Variants in EPB41 observed in about 807,000 individuals in gnomAD.
EPB41 encodes the protein erythrocyte membrane protein band 4.1.
Under a neutral mutation model 108.0 loss-of-function variants are expected in EPB41, and 65 were observed. The ratio of observed to expected loss-of-function variants is 0.60; its 90% CI spans 0.49 to 0.74. EPB41 has a LOEUF of 0.74. Ranked by LOEUF, EPB41 falls within the 30% of genes least tolerant of loss-of-function variation. The probability of loss-of-function intolerance (pLI) is 0.00; values close to 1 mark genes in which losing one functional copy is unlikely to be tolerated. For missense variants in EPB41, 875 were observed against 1,037.0 expected, an observed-to-expected ratio of 0.84 and a Z score of 2.15; for synonymous variants, 336 against 358.9, an observed-to-expected ratio of 0.94 and a Z score of 0.72.
chr1:29,040,331 G>A (rs867099730), intron 11 of EPB41, among the ~76,000 whole-genome samples: 3 of 151,694 alleles, frequency 2.0e-5, no homozygotes, highest in Non-Finnish European at 4.4e-5. Flanking sequence ...CCAGGCTGGA[G>A]TGCAGTGACT....
intron 1 of EPB41, among the ~76,000 whole-genome samples, chr1:28,938,824 C>T (rs1357867834): frequency 6.6e-6 from 1 of 152,098 alleles, no homozygotes; most frequent in African/African-American, 2.4e-5. Context: ...GAATGTTGAT[C>T]TTGTATCCTG....
chr1:28,918,284 C>T (rs1269922743), intron 1 of EPB41, among the ~76,000 whole-genome samples: 2 of 151,896 alleles, frequency 1.3e-5, no homozygotes, highest in Non-Finnish European at 2.9e-5. Flanking sequence ...AATCTCTTGA[C>T]CTCGTGATCT....
chr1:28,908,267 C>T (rs887627000), intron 1 of EPB41, among the ~76,000 whole-genome samples: 6 of 151,218 alleles, frequency 4.0e-5, no homozygotes, highest in South Asian at 2.1e-4. Flanking sequence ...CTGGGTGTGA[C>T]GGCGGGGGCC....
chr1:28,894,565 G>A (rs561876560), intron 1 of EPB41, among the ~76,000 whole-genome samples: 3 of 152,074 alleles, frequency 2.0e-5, no homozygotes, highest in Admixed American at 6.6e-5. Context: ...TCCTGGAGAG[G>A]GAGTGACAGA....
intron 17 of EPB41, among the ~76,000 whole-genome samples, chr1:29,105,817 C>T (rs1666967041): frequency 7.3e-6 from 1 of 136,716 alleles, no homozygotes; most frequent in Admixed American, 8.3e-5. Context: ...GGCATGATCT[C>T]AGCCCACTGC....
At chr1:28,988,640 G>A (rs538025990) in intron 2 of EPB41, among the ~76,000 whole-genome samples, 63 of 152,250 alleles carry the variant, frequency 4.1e-4, no homozygotes, top group African/African-American at 1.4e-3. Context: ...GACTACAGAC[G>A]TGAGCCACCA....
intron 16 of EPB41, among the ~76,000 whole-genome samples, chr1:29,073,956 C>T (rs1012671657): frequency 2.6e-5 from 4 of 152,108 alleles, no homozygotes; most frequent in East Asian, 3.8e-4. Flanking sequence ...TTCACTTTCT[C>T]CTAGTTTCCT....
chr1:28,897,904 C>T (rs542002345), intron 1 of EPB41, among the ~76,000 whole-genome samples: 21 of 152,088 alleles, frequency 1.4e-4, no homozygotes, highest in African/African-American at 4.3e-4. Context: ...TCCTTAAGGA[C>T]GAACTGCCAT....
At chr1:29,053,361 G>T in intron 12 of EPB41, 49 bp downstream of exon 12, 1 of 1,603,676 alleles carries the variant, frequency 6.2e-7, no homozygotes, top group Non-Finnish European at 8.5e-7. Flanking sequence ...TGATTTAGAG[G>T]CCTTAACTTT....
chr1:28,908,997 C>CA (rs879699641), intron 1 of EPB41, among the ~76,000 whole-genome samples: 201 of 137,922 alleles, frequency 1.5e-3, no homozygotes, highest in African/African-American at 2.5e-3. Flanking sequence ...ACTAAAAATA[C>CA]AAAAAAAAAA....
At chr1:28,941,372 C>T (rs2094279634) in intron 1 of EPB41, among the ~76,000 whole-genome samples, 1 of 152,078 alleles carries the variant, frequency 6.6e-6, no homozygotes, top group South Asian at 2.1e-4. Flanking sequence ...AGAGTGAGAC[C>T]TTGTCTCAAA....
intron 16 of EPB41, among the ~76,000 whole-genome samples, chr1:29,090,957 C>A (rs1279519629): frequency 3.3e-5 from 5 of 152,110 alleles, no homozygotes; most frequent in Admixed American, 3.3e-4. Flanking sequence ...GTAATCCAAC[C>A]CAACTGTTAT....
chr1:28,988,496 A>G (rs1394740098), intron 2 of EPB41, among the ~76,000 whole-genome samples: 3 of 151,828 alleles, frequency 2.0e-5, no homozygotes, highest in Non-Finnish European at 4.4e-5. Flanking sequence ...AGTAGCTGGG[A>G]TTACAGGCGC....
At chr1:29,053,419 C>A (rs1379043309) in intron 12 of EPB41, 107 bp downstream of exon 12, 8 of 1,133,786 alleles carry the variant, frequency 7.1e-6, no homozygotes, top group Non-Finnish European at 1.0e-5. Context: ...ATAGACTCAA[C>A]AAAGTTATTC....
chr1:28,918,191 A>G (rs1235208462), intron 1 of EPB41, among the ~76,000 whole-genome samples: 3 of 152,130 alleles, frequency 2.0e-5, no homozygotes, highest in African/African-American at 7.2e-5. Context: ...AGCTGGGACT[A>G]CAGGCACACA....
intron 1 of EPB41, among the ~76,000 whole-genome samples, chr1:28,888,810 G>A (rs2089768552): frequency 6.6e-6 from 1 of 151,636 alleles, no homozygotes; most frequent in African/African-American, 2.4e-5. Context: ...TGTATTTTTA[G>A]TAGAGACGGG....
At chr1:29,000,355 C>T (rs188265482) in intron 4 of EPB41, among the ~76,000 whole-genome samples, 1 of 152,362 alleles carries the variant, frequency 6.6e-6, no homozygotes, top group Non-Finnish European at 1.5e-5. Context: ...CCGCCTTGGC[C>T]TCCCAAAGTG....
chr1:28,993,427 C>A lies in EPB41; in HGVS notation c.566C>A (p.Pro189His). The part of the protein sequence containing the change: ...CSKIEVKEES[P>H]QSKAETELKA... ...AAAATAGAAGTAAAAGAAGAAAGCC[C>A]TCAATCAAAAGCAGAAACAGAATTA... is the stretch of plus-strand genomic sequence containing the variant. Residue 189 changes from proline (P) to histidine (H), a missense_variant, in exon 3 of 21, where the codon CCT (proline) becomes CAT (histidine). Pro to His is a moderately conservative substitution (Grantham distance 77). Transcript: ENST00000343067. 3.7e-6 allele frequency: 6 copies of A among 1,613,936 alleles called. No individual in the cohort carries two copies. Among genetic ancestry groups the A allele is most frequent in the South Asian group, 3.3e-5 (3 of 91,058 alleles).
rs936008740 is a variant in EPB41 at position 29,004,597 on chromosome 1, G to C, written c.787-7268G>C. ...TCTGGCAAATTAGAAAGACGAAGGG[G>C]AATTTTGTAAATATACTTGCAGAGT... On this transcript the variant is annotated intron_variant, in intron 4 of 20. Coordinates refer to ENST00000343067, the MANE Select transcript of EPB41 (RefSeq NM_001376013.1). 2.0e-5 allele frequency among the ~76,000 whole-genome samples: 3 copies of C among 152,208 alleles called. No homozygotes were observed. In the East Asian group the frequency reaches 5.8e-4, roughly 29 times the overall value.
Sources: allele counts gnomAD v4.1 joint callset (sites outside exome capture counted in the v4.1 genomes callset), GRCh38; gene constraint gnomAD v4.1.1; transcripts MANE v1.5; gene names NCBI Gene and HGNC (gene_info 2026-07-23, HGNC 2026-07-21).